IGF1R: variants seen among roughly 807,000 people sequenced by gnomAD.
IGF1R encodes the protein insulin like growth factor 1 receptor.
In IGF1R, 44 loss-of-function variants were observed where a neutral mutation model predicts 144.6. That is an observed-to-expected ratio of 0.30 (90% CI 0.24 to 0.39). IGF1R has a LOEUF of 0.39. Among genes scored for constraint, IGF1R ranks in the 10% least tolerant of loss-of-function variants. The pLI is 1.00. For synonymous variants in IGF1R, 795 were observed against 722.8 expected (o/e 1.10, Z -1.60); for missense variants, 1,355 against 1,833.7 (o/e 0.74, Z 4.77).
Position 98,962,755 on chromosome 15 carries a change from C to G in IGF1R, c.*5313C>G. On this transcript the variant is annotated 3_prime_UTR_variant, in exon 21 of 21. Transcript: ENST00000650285. ...CTTGATTGTTCTTGAAGCTATCAGA[C>G]CACATCGAGGCTCAGCAGTCATCCG... 1 of 233,508 alleles carries G rather than the reference C, an allele frequency of 4.3e-6. No individual in the cohort carries two copies. The highest frequency in any genetic ancestry group is 8.5e-6 in the Non-Finnish European group (1 of 118,052). The allele number at this position is 233,508 out of a possible 1,614,324, so 14.5% of individuals were successfully genotyped here.
chr15:98,860,040 C>T (rs1409682382), intron 2 of IGF1R, among the ~76,000 whole-genome samples: 2 of 152,082 alleles, frequency 1.3e-5, no homozygotes, highest in African/African-American at 2.4e-5. Context: ...CTCAGCCTCC[C>T]GAGTAGCTGG....
intron 2 of IGF1R, among the ~76,000 whole-genome samples, chr15:98,715,985 T>C (rs1268734248): frequency 2.0e-5 from 3 of 152,190 alleles, no homozygotes; most frequent in Non-Finnish European, 4.4e-5. Context: ...AAGAAGCTGC[T>C]TTCCTCGAAG....
chr15:98,728,885 G>A (rs1021067763), intron 2 of IGF1R, among the ~76,000 whole-genome samples: 6 of 152,210 alleles, frequency 3.9e-5, no homozygotes, highest in Admixed American at 2.6e-4. Context: ...TCTTGGCTGT[G>A]CTACCTCTTG....
intron 1 of IGF1R, among the ~76,000 whole-genome samples, chr15:98,661,445 A>G (rs555030972): frequency 7.8e-4 from 118 of 152,198 alleles, no homozygotes; most frequent in Non-Finnish European, 1.4e-3. Flanking sequence ...GTGGGGTGGG[A>G]TATTTCTTGC....
chr15:98,788,133 A>T (rs1311211448), intron 2 of IGF1R, among the ~76,000 whole-genome samples: 1 of 150,076 alleles, frequency 6.7e-6, no homozygotes, highest in Non-Finnish European at 1.5e-5. Flanking sequence ...ATGTGGGGTG[A>T]CCTCCTACAC....
intron 2 of IGF1R, among the ~76,000 whole-genome samples, chr15:98,867,710 A>G (rs1358239179): frequency 2.0e-5 from 3 of 152,224 alleles, no homozygotes; most frequent in Non-Finnish European, 4.4e-5. Context: ...TGTTAAATGA[A>G]CAAATATTTA....
chr15:98,792,754 A>G (rs981410151), intron 2 of IGF1R, among the ~76,000 whole-genome samples: 21 of 152,094 alleles, frequency 1.4e-4, no homozygotes, highest in African/African-American at 5.1e-4. Context: ...TTTCTTTTGG[A>G]AAAGTGAGCT....
intron 18 of IGF1R, among the ~76,000 whole-genome samples, chr15:98,940,570 A>G (rs1330722463): frequency 6.6e-6 from 1 of 152,076 alleles, no homozygotes; most frequent in Non-Finnish European, 1.5e-5. Context: ...CACCCAGCTG[A>G]TTTTTTATAT....
intron 1 of IGF1R, among the ~76,000 whole-genome samples, chr15:98,655,656 TAAAAC>T (rs893816228): frequency 1.3e-5 from 2 of 151,194 alleles, no homozygotes; most frequent in African/African-American, 2.4e-5. Context: ...AAAAAAAAAA[TAAAAC>T]GAAACAAACT....
intron 2 of IGF1R, among the ~76,000 whole-genome samples, chr15:98,727,807 C>G (rs1440689372): frequency 2.6e-5 from 4 of 152,150 alleles, no homozygotes; most frequent in Non-Finnish European, 5.9e-5. Context: ...GGCAGAAGGA[C>G]TGGGGAAACC....
intron 2 of IGF1R, among the ~76,000 whole-genome samples, chr15:98,734,544 C>G (rs757407458): frequency 5.3e-5 from 8 of 152,270 alleles, no homozygotes; most frequent in Non-Finnish European, 1.2e-4. Flanking sequence ...TCACTGACCC[C>G]GAACCTGTGT....
At chr15:98,724,144 T>G (rs1024563717) in intron 2 of IGF1R, among the ~76,000 whole-genome samples, 2 of 152,360 alleles carry the variant, frequency 1.3e-5, no homozygotes. Flanking sequence ...ACTCACAGAC[T>G]AAAGCAAACT....
Position 98,960,336 on chromosome 15 carries a change from G to C in IGF1R, c.*2894G>C, listed in dbSNP as rs572294016. The C allele has an allele frequency of 4.3e-6, 1 of 233,252 alleles. No individual in the cohort carries two copies. Among genetic ancestry groups the C allele is most frequent in the African/African-American group, 2.2e-5 (1 of 45,460 alleles). 14.4% of individuals were successfully genotyped at this position (233,252 alleles called of 1,614,324 possible). On this transcript the variant is annotated 3_prime_UTR_variant, in exon 21 of 21. Coordinates refer to ENST00000650285, the MANE Select transcript of IGF1R (RefSeq NM_000875.5). ...TATCTTGGTTTCCACCAAGGTGTTA[G>C]ATTTCTCCTCCTCCTAGCCAGGTGG...
intron 2 of IGF1R, among the ~76,000 whole-genome samples, chr15:98,855,545 G>C (rs560797753): frequency 3.9e-5 from 6 of 152,290 alleles, no homozygotes; most frequent in African/African-American, 1.4e-4. Context: ...ATTAATATTT[G>C]TTTACCTTTC....
intron 2 of IGF1R, among the ~76,000 whole-genome samples, chr15:98,734,178 A>G (rs2054559695): frequency 6.6e-6 from 1 of 152,202 alleles, no homozygotes; most frequent in Non-Finnish European, 1.5e-5. Flanking sequence ...CAGTGGTGTC[A>G]CTTAATGGGA....
At chr15:98,692,839 G>A (rs2053508889) in intron 1 of IGF1R, among the ~76,000 whole-genome samples, 1 of 152,172 alleles carries the variant, frequency 6.6e-6, no homozygotes, top group Non-Finnish European at 1.5e-5. Context: ...GGGGACATCA[G>A]TAGGGAGGAT....
chr15:98,876,455 GGGGTTTTAGCACTTC>G (rs2013066692), intron 2 of IGF1R, among the ~76,000 whole-genome samples: 1 of 152,118 alleles, frequency 6.6e-6, no homozygotes, highest in Non-Finnish European at 1.5e-5. Context: ...CTGCCAAGAT[GGGGTTTTAGCACTTC>G]TAATGCATTC....
intron 2 of IGF1R, among the ~76,000 whole-genome samples, chr15:98,750,811 C>T (rs962561526): frequency 6.6e-6 from 1 of 152,164 alleles, no homozygotes; most frequent in Non-Finnish European, 1.5e-5. Context: ...GTTTTTGAGA[C>T]GGGATCTTAC....
chr15:98,738,919 T>C (rs1277343010), intron 2 of IGF1R, among the ~76,000 whole-genome samples: 1 of 152,182 alleles, frequency 6.6e-6, no homozygotes, highest in Non-Finnish European at 1.5e-5. Context: ...TGGCTACACT[T>C]GTACAGTCAT....
Sources: allele counts gnomAD v4.1 joint callset (sites outside exome capture counted in the v4.1 genomes callset), GRCh38; gene constraint gnomAD v4.1.1; transcripts MANE v1.5; gene names NCBI Gene and HGNC (gene_info 2026-07-23, HGNC 2026-07-21).